PROS1: variants seen among roughly 807,000 people sequenced by gnomAD.
The protein encoded by PROS1 is vitamin K-dependent protein S.
In PROS1, 29 loss-of-function variants were observed where a neutral mutation model predicts 75.9. The ratio of observed to expected loss-of-function variants is 0.38; its 90% CI spans 0.28 to 0.52. PROS1 has a LOEUF of 0.52. PROS1 is among the 20% of genes least tolerant of loss of function. The probability of loss-of-function intolerance (pLI) is 0.83; values close to 1 mark genes in which losing one functional copy is unlikely to be tolerated. For missense variants in PROS1, 680 were observed against 810.3 expected (o/e 0.84, Z 1.95); for synonymous variants, 245 against 280.6 (o/e 0.87, Z 1.27).
intron 13 of PROS1, among the ~76,000 whole-genome samples, chr3:93,877,489 CTTTCTG>C (rs1170881461): frequency 6.6e-6 from 1 of 152,126 alleles, no homozygotes; most frequent in Non-Finnish European, 1.5e-5. Context: ...TGTCTTATAT[CTTTCTG>C]TTTATGAGCC....
intron 4 of PROS1, among the ~76,000 whole-genome samples, chr3:93,908,734 T>G (rs1245266505): frequency 6.6e-6 from 1 of 152,176 alleles, no homozygotes; most frequent in East Asian, 1.9e-4. Flanking sequence ...CTAAATTAGT[T>G]TTAAGCTAAC....
chr3:93,946,513 C>T (rs987895197), intron 1 of PROS1, among the ~76,000 whole-genome samples: 4 of 152,116 alleles, frequency 2.6e-5, no homozygotes, highest in Admixed American at 6.5e-5. Flanking sequence ...ACATCTACAA[C>T]CACCTGATCT....
In PROS1 at chr3:93,973,862, G is replaced by T; in HGVS notation, c.-113C>A. 1 of 841,684 alleles carries T rather than the reference G, an allele frequency of 1.2e-6. No individual in the cohort carries two copies. The highest frequency in any genetic ancestry group is 1.6e-6 in the Non-Finnish European group (1 of 610,966). The allele number at this position is 841,684 out of a possible 1,614,324, so 52.1% of individuals were successfully genotyped here. A position where few individuals can be genotyped will look rare whatever the true frequency, so the allele number is the denominator to read the frequency against. On this transcript the variant is annotated 5_prime_UTR_variant, in exon 1 of 15. Transcript: ENST00000394236. ...CGCCTCGGTCTGAGCCGTGCTGCGCGGCGGCGCCAGCGACCCAGCGAGCCT... is the reference window on the plus strand; with the variant it reads ...CGCCTCGGTCTGAGCCGTGCTGCGCTGCGGCGCCAGCGACCCAGCGAGCCT...
chr3:93,874,833 CTT>C lies in PROS1; in HGVS notation c.1871-430_1871-429del, dbSNP rs770000816. 2.0e-5 allele frequency among the ~76,000 whole-genome samples: 3 copies of C among 152,160 alleles called. No homozygotes were observed. In the East Asian group the frequency reaches 5.8e-4, roughly 29 times the overall value. ...TTTAAATGTCATGATCAATATATCT[CTT>C]TTATTATTGTTGGAATAAAAGCAGA... On this transcript the variant is annotated intron_variant, in intron 14 of 14. Transcript: ENST00000394236.
rs558211174 is a variant in PROS1 at position 93,900,821 on chromosome 3, T to C, written c.710A>G (p.Lys237Arg). 3 of 1,613,336 alleles carry C rather than the reference T, an allele frequency of 1.9e-6. No homozygotes were observed. Among genetic ancestry groups the C allele is most frequent in the African/African-American group, 1.3e-5 (1 of 75,038 alleles). Residue 237 changes from lysine to arginine, a missense_variant, in exon 7 of 15, where the codon AAA becomes AGA. Lys to Arg is a conservative substitution (Grantham distance 26). Transcript: ENST00000394236. Reference protein sequence around the residue: ...ECPEGYRYNLKSKSCEDIDEC... With the variant: ...ECPEGYRYNLRSKSCEDIDEC... Reference sequence around the variant, plus strand: ...CATCCTACCTTCACAAGACTTTGATTTGAGATTATATCTGTAGCCTTCGGG... The same window carrying C: ...CATCCTACCTTCACAAGACTTTGATCTGAGATTATATCTGTAGCCTTCGGG...
intron 1 of PROS1, 22 bp downstream of exon 1, chr3:93,973,652 A>G: frequency 6.2e-7 from 1 of 1,609,724 alleles, no homozygotes; most frequent in Non-Finnish European, 8.5e-7. Flanking sequence ...GGAAGGGAGA[A>G]GAGACGCTAT....
At chr3:93,914,690 G>A (rs970995168) in intron 3 of PROS1, among the ~76,000 whole-genome samples, 1 of 151,984 alleles carries the variant, frequency 6.6e-6, no homozygotes, top group African/African-American at 2.4e-5. Flanking sequence ...ATTTCAACAG[G>A]TTTTGGGGGG....
At chr3:93,916,034 G>T (rs559719055) in intron 3 of PROS1, among the ~76,000 whole-genome samples, 1 of 152,266 alleles carries the variant, frequency 6.6e-6, no homozygotes, top group East Asian at 1.9e-4. Flanking sequence ...ATTTTTTACA[G>T]TTCTGGAGGC....
intron 12 of PROS1, among the ~76,000 whole-genome samples, chr3:93,881,261 A>C (rs1708271761): frequency 6.6e-6 from 1 of 152,092 alleles, no homozygotes; most frequent in Non-Finnish European, 1.5e-5. Flanking sequence ...GGTCTAGGTT[A>C]CAGTGAGCCA....
intron 1 of PROS1, among the ~76,000 whole-genome samples, chr3:93,931,294 T>C (rs1053061932): frequency 1.9e-4 from 29 of 152,244 alleles, no homozygotes; most frequent in African/African-American, 5.8e-4. Flanking sequence ...CAAATGTCCA[T>C]GATGTACCTG....
intron 13 of PROS1, among the ~76,000 whole-genome samples, chr3:93,878,523 G>T (rs1708225264): frequency 6.6e-6 from 1 of 152,238 alleles, no homozygotes; most frequent in South Asian, 2.1e-4. Flanking sequence ...CACTGTGGAT[G>T]ACACATAGAC....
At chr3:93,939,036 C>T (rs1576204908) in intron 1 of PROS1, among the ~76,000 whole-genome samples, 1 of 152,144 alleles carries the variant, frequency 6.6e-6, no homozygotes, top group East Asian at 1.9e-4. Context: ...ATTCCCCCTT[C>T]TTCTCCCTTA....
intron 1 of PROS1, among the ~76,000 whole-genome samples, chr3:93,962,392 T>A (rs1709720008): frequency 6.6e-6 from 1 of 152,350 alleles, no homozygotes; most frequent in South Asian, 2.1e-4. Context: ...TTTTGAGTTA[T>A]CTGACTGATC....
At chr3:93,952,130 A>G (rs1340812943) in intron 1 of PROS1, among the ~76,000 whole-genome samples, 2 of 152,166 alleles carry the variant, frequency 1.3e-5, no homozygotes, top group Non-Finnish European at 2.9e-5. Context: ...CACAATAATA[A>G]TGGGAGACTT....
At chr3:93,907,345 GAGA>G (rs1322745802) in intron 4 of PROS1, among the ~76,000 whole-genome samples, 1 of 152,104 alleles carries the variant, frequency 6.6e-6, no homozygotes, top group Non-Finnish European at 1.5e-5. Flanking sequence ...CCTGTCTGTA[GAGA>G]AGAACCACTG....
intron 1 of PROS1, among the ~76,000 whole-genome samples, chr3:93,946,839 A>G (rs1443224027): frequency 2.7e-5 from 3 of 111,252 alleles, no homozygotes; most frequent in Admixed American, 8.9e-5. Context: ...TTCTGCACAG[A>G]AAAAAAAAAA....
intron 1 of PROS1, among the ~76,000 whole-genome samples, chr3:93,962,373 A>C (rs927533685): frequency 1.3e-5 from 2 of 152,154 alleles, no homozygotes; most frequent in African/African-American, 4.8e-5. Context: ...GCCTCTCCTT[A>C]ATCACCAATT....
intron 9 of PROS1, among the ~76,000 whole-genome samples, chr3:93,894,843 G>A (rs553288096): frequency 2.7e-4 from 41 of 151,944 alleles, no homozygotes; most frequent in South Asian, 2.5e-3. Flanking sequence ...TGTACATATC[G>A]GTACATACTT....
At chr3:93,935,616 T>C (rs1006167898) in intron 1 of PROS1, among the ~76,000 whole-genome samples, 1 of 152,154 alleles carries the variant, frequency 6.6e-6, no homozygotes, top group Non-Finnish European at 1.5e-5. Context: ...AGTCTGAAAC[T>C]GTGCTTAGAG....
Sources: allele counts gnomAD v4.1 joint callset (sites outside exome capture counted in the v4.1 genomes callset), GRCh38; gene constraint gnomAD v4.1.1; transcripts MANE v1.5; gene names NCBI Gene and HGNC (gene_info 2026-07-23, HGNC 2026-07-21).